VIT: variants seen among roughly 807,000 people sequenced by gnomAD.
The protein encoded by VIT is vitrin.
Under a neutral mutation model 78.0 loss-of-function variants are expected in VIT, and 99 were observed. That is an observed-to-expected ratio of 1.27 (90% CI 1.08 to 1.50). VIT has a LOEUF of 1.50. Among genes scored for constraint, VIT ranks in the 40% most tolerant of loss-of-function variants. The pLI, the probability that VIT is intolerant of heterozygous loss-of-function variation, is 0.00. For missense variants in VIT, 1,126 were observed against 875.3 expected (o/e 1.29, Z -3.61); for synonymous variants, 374 against 334.3 (o/e 1.12, Z -1.29).
At position 36,767,214 on chromosome 2, in the gene VIT, C is replaced by A. The variant is rs1171578626; in HGVS notation, c.608C>A (p.Pro203Gln). 4.4e-6 allele frequency: 7 copies of A among 1,608,134 alleles called. No homozygotes were observed. Among genetic ancestry groups the A allele is most frequent in the Non-Finnish European group, 4.2e-6 (5 of 1,177,582 alleles). Residue 203 changes from proline (P) to glutamine (Q), a missense_variant, in exon 7 of 16, where the codon CCA becomes CAA. Pro to Gln is a moderately conservative substitution (Grantham distance 76). Transcript: ENST00000379242. ...GCCACCCCCACCACCTTGCCAAGGC[C>A]ATCCCCTTCTGCTGCTTCTACCACC... is the stretch of plus-strand genomic sequence containing the variant. ...AVATPTTLPRPSPSAASTTSI... is the reference protein window; with the variant it reads ...AVATPTTLPRQSPSAASTTSI...
intron 6 of VIT, among the ~76,000 whole-genome samples, chr2:36,762,058 T>G (rs1669156265): frequency 6.6e-6 from 1 of 152,088 alleles, no homozygotes; most frequent in Non-Finnish European, 1.5e-5. Context: ...GCAGAGAAAC[T>G]ATAGCCAAAT....
chr2:36,784,495 C>T (rs1664963480), intron 11 of VIT, among the ~76,000 whole-genome samples: 3 of 152,216 alleles, frequency 2.0e-5, no homozygotes, highest in Non-Finnish European at 2.9e-5. Context: ...AAGCACTTTA[C>T]AGAGTGAATC....
At chr2:36,715,779 C>T (rs1362311870) in intron 1 of VIT, among the ~76,000 whole-genome samples, 1 of 152,152 alleles carries the variant, frequency 6.6e-6, no homozygotes, top group Non-Finnish European at 1.5e-5. Context: ...CTACAAACTT[C>T]CCCTTATACT....
chr2:36,738,248 TG>T (rs1210281645), intron 3 of VIT, among the ~76,000 whole-genome samples: 1 of 152,190 alleles, frequency 6.6e-6, no homozygotes, highest in African/African-American at 2.4e-5. Context: ...CCTTCAGTCA[TG>T]GAAGTGGCAA....
At chr2:36,781,051 C>T (rs1346688953) in intron 9 of VIT, among the ~76,000 whole-genome samples, 1 of 152,116 alleles carries the variant, frequency 6.6e-6, no homozygotes, top group Non-Finnish European at 1.5e-5. Context: ...GGCCATTAAA[C>T]ATCTTACTGC....
chr2:36,737,521 C>A (rs1667579547), intron 3 of VIT, among the ~76,000 whole-genome samples: 1 of 152,176 alleles, frequency 6.6e-6, no homozygotes, highest in Non-Finnish European at 1.5e-5. Flanking sequence ...TTGAAATAGA[C>A]TTAATTTGGG....
At position 36,708,083 on chromosome 2, in the gene VIT, G is replaced by T. The variant is rs539089452; in HGVS notation, c.-18-8270G>T. Among the ~76,000 whole-genome samples the T allele has an allele frequency of 3.3e-5, 5 of 151,906 alleles. No individual in the cohort carries two copies. The South Asian group carries it at 1.0e-3, about 32-fold the overall frequency. ...CTGTATGAAGGTTTATGTACAGATAGAGGCCACCACCACATTGTAAAGGAC... is the reference window on the plus strand; with the variant it reads ...CTGTATGAAGGTTTATGTACAGATATAGGCCACCACCACATTGTAAAGGAC... On this transcript the variant is annotated intron_variant, in intron 1 of 15. Transcript: ENST00000379242.
chr2:36,726,920 C>G (rs909353204), intron 2 of VIT, among the ~76,000 whole-genome samples: 1 of 150,786 alleles, frequency 6.6e-6, no homozygotes, highest in Non-Finnish European at 1.5e-5. Flanking sequence ...AGACTCATCA[C>G]GAGGTCTGAG....
chr2:36,768,809 A>G (rs1669589470), intron 7 of VIT, among the ~76,000 whole-genome samples: 1 of 152,224 alleles, frequency 6.6e-6, no homozygotes, highest in African/African-American at 2.4e-5. Flanking sequence ...AATTAATAAT[A>G]ACAGAATGCA....
At chr2:36,747,773 G>A (rs557028588) in intron 4 of VIT, among the ~76,000 whole-genome samples, 89 of 152,166 alleles carry the variant, frequency 5.8e-4, no homozygotes, top group Non-Finnish European at 1.1e-3. Flanking sequence ...ATTGATATAT[G>A]AGGTTTCGAC....
chr2:36,783,287 G>T, intron 10 of VIT, 53 bp from the exon 11 acceptor site: 1 of 1,596,140 alleles, frequency 6.3e-7, no homozygotes, highest in Non-Finnish European at 8.6e-7. Context: ...ATGGGGTAAG[G>T]CCAGCTGCTT....
chr2:36,801,627 G>C (rs912232650), intron 13 of VIT, among the ~76,000 whole-genome samples: 11 of 152,102 alleles, frequency 7.2e-5, no homozygotes, highest in African/African-American at 2.7e-4. Flanking sequence ...GGCCAGCATG[G>C]TTAAACCCTC....
chr2:36,708,377 C>T (rs1665583061), intron 1 of VIT, among the ~76,000 whole-genome samples: 1 of 152,162 alleles, frequency 6.6e-6, no homozygotes. Context: ...GTTGGGTGCT[C>T]CCCGATGTAG....
At chr2:36,727,670 C>T (rs1221483660) in intron 2 of VIT, among the ~76,000 whole-genome samples, 4 of 152,212 alleles carry the variant, frequency 2.6e-5, no homozygotes, top group African/African-American at 9.6e-5. Flanking sequence ...AATCTTAATA[C>T]AGTCATCCAC....
At chr2:36,726,926 C>T (rs1231008438) in intron 2 of VIT, among the ~76,000 whole-genome samples, 3 of 150,782 alleles carry the variant, frequency 2.0e-5, no homozygotes, top group Non-Finnish European at 4.4e-5. Context: ...ATCACGAGGT[C>T]TGAGAAAGCT....
At chr2:36,726,829 A>C (rs1162980268) in intron 2 of VIT, among the ~76,000 whole-genome samples, 4 of 147,070 alleles carry the variant, frequency 2.7e-5, no homozygotes, top group African/African-American at 9.8e-5. Context: ...AAAAAAAAAA[A>C]AAAAAAAAAA....
intron 12 of VIT, among the ~76,000 whole-genome samples, chr2:36,790,366 C>G (rs1048322999): frequency 6.6e-6 from 1 of 152,180 alleles, no homozygotes; most frequent in East Asian, 1.9e-4. Context: ...CATCCTCTGC[C>G]GGGCTCTTGG....
At chr2:36,749,832 G>A (rs546310180) in intron 4 of VIT, among the ~76,000 whole-genome samples, 18 of 152,272 alleles carry the variant, frequency 1.2e-4, no homozygotes, top group African/African-American at 3.9e-4. Flanking sequence ...TGATTGTTCA[G>A]TTGTACCTCT....
At chr2:36,724,250 A>ACTGAGAAGCATTG (rs908300616) in intron 2 of VIT, among the ~76,000 whole-genome samples, 6 of 152,034 alleles carry the variant, frequency 3.9e-5, no homozygotes, top group Non-Finnish European at 7.4e-5. Flanking sequence ...ATTTTTAAGG[A>ACTGAGAAGCATTG]CTGAGAAGCA....
Sources: allele counts gnomAD v4.1 joint callset (sites outside exome capture counted in the v4.1 genomes callset), GRCh38; gene constraint gnomAD v4.1.1; transcripts MANE v1.5; gene names NCBI Gene and HGNC (gene_info 2026-07-23, HGNC 2026-07-21).